Variants in NUP210L observed in about 807,000 individuals in gnomAD.
NUP210L encodes the protein nucleoporin 210 like.
In NUP210L, 74 loss-of-function variants were observed where a neutral mutation model predicts 208.5. The observed-to-expected ratio is 0.35, with a 90% CI of 0.29 to 0.43. NUP210L has a LOEUF of 0.43. Among genes scored for constraint, NUP210L ranks in the 20% least tolerant of loss-of-function variants. NUP210L has a pLI of 1.00. For missense variants in NUP210L, 1,843 were observed against 2,289.4 expected (o/e 0.81, Z 3.98); for synonymous variants, 780 against 816.9 (o/e 0.95, Z 0.77).
chr1:154,131,259 G>C (rs1363729590), intron 7 of NUP210L, among the ~76,000 whole-genome samples: 5 of 139,926 alleles, frequency 3.6e-5, no homozygotes, highest in Admixed American at 2.2e-4. Flanking sequence ...GCAACAGAGC[G>C]AGACTCCATC....
intron 1 of NUP210L, among the ~76,000 whole-genome samples, chr1:154,153,501 G>A (rs564563045): frequency 6.6e-6 from 1 of 152,252 alleles, no homozygotes; most frequent in Non-Finnish European, 1.5e-5. Flanking sequence ...GTAGGGATGG[G>A]CTTTCATCAT....
At chr1:154,069,559 A>G (rs1654596104) in intron 17 of NUP210L, among the ~76,000 whole-genome samples, 1 of 152,224 alleles carries the variant, frequency 6.6e-6, no homozygotes, top group African/African-American at 2.4e-5. Flanking sequence ...CAGATGCTGG[A>G]GAGGATGTGG....
chr1:154,150,549 G>A (rs189719314), intron 2 of NUP210L, among the ~76,000 whole-genome samples: 268 of 151,928 alleles, frequency 1.8e-3, no homozygotes, highest in African/African-American at 6.2e-3. Flanking sequence ...CCGACATGGT[G>A]AAACACCATC....
chr1:154,080,800 C>T (rs888460590), intron 16 of NUP210L, among the ~76,000 whole-genome samples: 1 of 151,700 alleles, frequency 6.6e-6, no homozygotes, highest in African/African-American at 2.4e-5. Flanking sequence ...GATGAAACCT[C>T]GTCTCTACTA....
At chr1:154,015,537 A>G (rs1477212099) in intron 33 of NUP210L, among the ~76,000 whole-genome samples, 2 of 151,982 alleles carry the variant, frequency 1.3e-5, no homozygotes, top group Non-Finnish European at 2.9e-5. Context: ...CCTGGCCAAC[A>G]TGGTGAAACC....
At position 154,071,399 on chromosome 1, in the gene NUP210L, A is replaced by C. The variant is rs999888544; in HGVS notation, c.2362-934T>G. On this transcript the variant is annotated intron_variant, in intron 16 of 39. Transcript: ENST00000368559. Reference sequence around the variant, plus strand: ...GATTCTGGTGCACTCATCACCCAAGAAGTATACAGTGGACCCAACTTGTAG... The same window carrying C: ...GATTCTGGTGCACTCATCACCCAAGCAGTATACAGTGGACCCAACTTGTAG... 2.0e-5 allele frequency among the ~76,000 whole-genome samples: 3 copies of C among 152,040 alleles called. No individual in the cohort carries two copies. The South Asian group carries it at 6.2e-4, about 32-fold the overall frequency.
At chr1:154,042,358 C>T (rs748555025) in intron 27 of NUP210L, among the ~76,000 whole-genome samples, 41 of 152,092 alleles carry the variant, frequency 2.7e-4, no homozygotes, top group Non-Finnish European at 3.8e-4. Flanking sequence ...TCACCTTGGC[C>T]TCCCAAAGTG....
At chr1:154,112,988 C>T (rs560323460) in intron 12 of NUP210L, among the ~76,000 whole-genome samples, 1 of 151,454 alleles carries the variant, frequency 6.6e-6, no homozygotes, top group Admixed American at 6.6e-5. Context: ...GAAACCCTGT[C>T]TCTATTAAAA....
chr1:154,117,735 C>G, exon 12 of NUP210L: 3 of 1,528,688 alleles, frequency 2.0e-6, no homozygotes, highest in East Asian at 2.5e-5. Flanking sequence ...CTTAATTTCT[C>G]CATATCGAAA....
intron 25 of NUP210L, among the ~76,000 whole-genome samples, chr1:154,053,891 A>G (rs1653665289): frequency 6.6e-6 from 1 of 152,170 alleles, no homozygotes; most frequent in South Asian, 2.1e-4. Context: ...TAGGGTCTCC[A>G]CAACCAACCT....
chr1:154,039,666 G>C (rs1286657682), intron 27 of NUP210L, among the ~76,000 whole-genome samples: 1 of 152,168 alleles, frequency 6.6e-6, no homozygotes, highest in Non-Finnish European at 1.5e-5. Context: ...CCACTGAGAA[G>C]TCATCTGCCA....
intron 17 of NUP210L, among the ~76,000 whole-genome samples, chr1:154,070,022 C>A (rs919230794): frequency 6.6e-6 from 1 of 151,812 alleles, no homozygotes; most frequent in African/African-American, 2.4e-5. Flanking sequence ...GGACACAGGG[C>A]GGGGAACATC....
rs146469301 is a variant in NUP210L at position 154,102,501 on chromosome 1, G to A, written c.1819+1511C>T. On this transcript the variant is annotated intron_variant, in intron 13 of 39. Coordinates refer to ENST00000368559, the Ensembl canonical transcript of NUP210L. Reference sequence around the variant, plus strand: ...AGGAGGGGAAAGATCACTTGAACCCGGGAGTGAGGGTGTGTCTATATGTAT... The same window carrying A: ...AGGAGGGGAAAGATCACTTGAACCCAGGAGTGAGGGTGTGTCTATATGTAT... 1.8e-3 allele frequency among the ~76,000 whole-genome samples: 275 copies of A among 152,244 alleles called. 3 individuals are homozygous for A. Among genetic ancestry groups the A allele is most frequent in the African/African-American group, 6.4e-3 (267 of 41,532 alleles).
intron 34 of NUP210L, among the ~76,000 whole-genome samples, chr1:154,011,226 T>A (rs995067213): frequency 1.3e-5 from 2 of 150,022 alleles, no homozygotes; most frequent in Non-Finnish European, 3.0e-5. Context: ...TGGCTAGATT[T>A]TTTTTTTTTT....
At chr1:154,004,215 C>T (rs1650377206) in intron 35 of NUP210L, among the ~76,000 whole-genome samples, 1 of 151,538 alleles carries the variant, frequency 6.6e-6, no homozygotes, top group Admixed American at 6.6e-5. Context: ...ACTACAGGTG[C>T]CCACCACCAC....
At chr1:154,070,613 T>C in intron 16 of NUP210L, 148 bp from the exon 17 acceptor site, 1 of 527,280 alleles carries the variant, frequency 1.9e-6, no homozygotes, top group South Asian at 3.4e-5. Context: ...AAGAACAATA[T>C]AATAAATACC....
At chr1:154,052,411 C>T (rs565620673) in intron 25 of NUP210L, among the ~76,000 whole-genome samples, 123 of 152,158 alleles carry the variant, frequency 8.1e-4, no homozygotes, top group Middle Eastern at 6.8e-3. Context: ...GAGCAACACC[C>T]GTCGAACACA....
chr1:154,093,718 G>T (rs1420593524), intron 15 of NUP210L, among the ~76,000 whole-genome samples: 1 of 152,210 alleles, frequency 6.6e-6, no homozygotes, highest in African/African-American at 2.4e-5. Context: ...TCCCTTATGT[G>T]CTGGTTAGCT....
intron 12 of NUP210L, among the ~76,000 whole-genome samples, chr1:154,114,741 T>A (rs1171012123): frequency 6.8e-6 from 1 of 147,998 alleles, no homozygotes; most frequent in East Asian, 2.1e-4. Context: ...ACTACAGGCA[T>A]GTGCCACTAT....
Sources: allele counts gnomAD v4.1 joint callset (sites outside exome capture counted in the v4.1 genomes callset), GRCh38; gene constraint gnomAD v4.1.1; transcripts MANE v1.5; gene names NCBI Gene and HGNC (gene_info 2026-07-23, HGNC 2026-07-21).